Variants in ZFPM2 observed in about 807,000 individuals in gnomAD.
ZFPM2 encodes the protein zinc finger protein, FOG family member 2.
A neutral mutation model predicts 98.6 loss-of-function variants in ZFPM2; 20 were observed. The ratio of observed to expected loss-of-function variants is 0.20; its 90% CI spans 0.14 to 0.29. The LOEUF (loss-of-function observed/expected upper bound fraction) is 0.29. Among genes scored for constraint, ZFPM2 ranks in the 10% least tolerant of loss-of-function variants. ZFPM2 has a pLI of 1.00. For missense variants in ZFPM2, 1,310 were observed against 1,388.6 expected, an observed-to-expected ratio of 0.94 and a Z score of 0.90; for synonymous variants, 518 against 502.7, an observed-to-expected ratio of 1.03 and a Z score of -0.41.
chr8:105,413,898 G>A (rs947269439), intron 1 of ZFPM2, among the ~76,000 whole-genome samples: 4 of 151,928 alleles, frequency 2.6e-5, no homozygotes, highest in Non-Finnish European at 5.9e-5. Flanking sequence ...AAAAGGTTTG[G>A]AAATATTTGT....
At chr8:105,348,533 C>T (rs1324424538) in intron 1 of ZFPM2, among the ~76,000 whole-genome samples, 1 of 152,078 alleles carries the variant, frequency 6.6e-6, no homozygotes, top group Non-Finnish European at 1.5e-5. Flanking sequence ...TATTGTCTTA[C>T]TTATAAGAAA....
intron 5 of ZFPM2, among the ~76,000 whole-genome samples, chr8:105,692,469 T>C (rs546621742): frequency 6.6e-6 from 1 of 152,332 alleles, no homozygotes; most frequent in South Asian, 2.1e-4. Context: ...AGTTGCATTA[T>C]TATTATTTTA....
chr8:105,775,600 C>T (rs1299478069), intron 5 of ZFPM2, among the ~76,000 whole-genome samples: 1 of 152,092 alleles, frequency 6.6e-6, no homozygotes, highest in Non-Finnish European at 1.5e-5. Context: ...CTTTTGTTTA[C>T]AAGCAGAGTC....
chr8:105,753,376 G>A (rs1231174352), intron 5 of ZFPM2, among the ~76,000 whole-genome samples: 4 of 152,056 alleles, frequency 2.6e-5, no homozygotes, highest in Non-Finnish European at 5.9e-5. Flanking sequence ...GCCTCAGGCA[G>A]TTCACACACC....
chr8:105,516,458 T>C (rs1167816921), intron 3 of ZFPM2, among the ~76,000 whole-genome samples: 1 of 152,230 alleles, frequency 6.6e-6, no homozygotes, highest in Non-Finnish European at 1.5e-5. Context: ...TTGAAAATTA[T>C]GTTCTTATCT....
chr8:105,579,747 A>C (rs572652406), intron 4 of ZFPM2, among the ~76,000 whole-genome samples: 2 of 152,314 alleles, frequency 1.3e-5, no homozygotes, highest in East Asian at 3.9e-4. Flanking sequence ...TTAGTGTGTG[A>C]AGGAACAAAA....
At chr8:105,446,110 C>T (rs1302742683) in intron 3 of ZFPM2, among the ~76,000 whole-genome samples, 2 of 151,902 alleles carry the variant, frequency 1.3e-5, no homozygotes, top group African/African-American at 2.4e-5. Context: ...TTAGTAGAGA[C>T]GGGGTTTCAC....
At chr8:105,761,650 G>A (rs1314062077) in intron 5 of ZFPM2, among the ~76,000 whole-genome samples, 3 of 151,696 alleles carry the variant, frequency 2.0e-5, no homozygotes, top group East Asian at 1.9e-4. Flanking sequence ...ATGATTTGAC[G>A]CACGGGCTTG....
chr8:105,381,953 T>C (rs1460805436), intron 1 of ZFPM2, among the ~76,000 whole-genome samples: 1 of 152,182 alleles, frequency 6.6e-6, no homozygotes, highest in African/African-American at 2.4e-5. Context: ...TTCTGTTAAG[T>C]GGTTTGCCAT....
chr8:105,493,698 C>T (rs750430556), intron 3 of ZFPM2, among the ~76,000 whole-genome samples: 4 of 152,088 alleles, frequency 2.6e-5, no homozygotes, highest in Non-Finnish European at 5.9e-5. Flanking sequence ...AATATGTCTC[C>T]CATAGATAGA....
At chr8:105,681,370 G>A (rs114733737) in intron 5 of ZFPM2, among the ~76,000 whole-genome samples, 1,840 of 152,098 alleles carry the variant, frequency 0.012, 32 homozygotes, top group African/African-American at 0.041. Flanking sequence ...TAGTTACAAA[G>A]CATACCATTT....
At chr8:105,369,745 C>T (rs1273853838) in intron 1 of ZFPM2, among the ~76,000 whole-genome samples, 1 of 151,896 alleles carries the variant, frequency 6.6e-6, no homozygotes, top group Non-Finnish European at 1.5e-5. Flanking sequence ...TCCAGTAGGC[C>T]AAGAGTTTTT....
chr8:105,751,946 G>C (rs554746593), intron 5 of ZFPM2, among the ~76,000 whole-genome samples: 1 of 152,222 alleles, frequency 6.6e-6, no homozygotes, highest in East Asian at 1.9e-4. Context: ...ACTAGCATTA[G>C]TCGAATCCAT....
intron 4 of ZFPM2, among the ~76,000 whole-genome samples, chr8:105,598,066 C>CT (rs76865028): frequency 0.019 from 2,450 of 130,108 alleles, 82 homozygotes; most frequent in East Asian, 0.17. Flanking sequence ...AAAAAAAAAC[C>CT]TTTTTTTTTT....
intron 5 of ZFPM2, among the ~76,000 whole-genome samples, chr8:105,773,277 A>G (rs1477905217): frequency 6.6e-6 from 1 of 152,196 alleles, no homozygotes; most frequent in Non-Finnish European, 1.5e-5. Context: ...TAGCCCTTAT[A>G]TCACATGACA....
intron 4 of ZFPM2, among the ~76,000 whole-genome samples, chr8:105,610,009 T>C (rs942157882): frequency 1.3e-5 from 2 of 152,146 alleles, no homozygotes; most frequent in Admixed American, 6.6e-5. Context: ...AGCCCTCTTG[T>C]CCTCAGATAG....
chr8:105,666,258 T>A (rs1424763459), intron 5 of ZFPM2, among the ~76,000 whole-genome samples: 1 of 152,012 alleles, frequency 6.6e-6, no homozygotes, highest in African/African-American at 2.4e-5. Context: ...AAGAAAGAAA[T>A]TAATAAAACA....
At chr8:105,790,660 A>C (rs1813581727) in intron 6 of ZFPM2, among the ~76,000 whole-genome samples, 1 of 152,178 alleles carries the variant, frequency 6.6e-6, no homozygotes, top group Non-Finnish European at 1.5e-5. Context: ...TGGGGATGGC[A>C]TTGAATCTAT....
intron 3 of ZFPM2, among the ~76,000 whole-genome samples, chr8:105,486,830 C>T (rs549215212): frequency 1.2e-3 from 190 of 152,262 alleles, no homozygotes; most frequent in Non-Finnish European, 2.2e-3. Flanking sequence ...TTTGATTATA[C>T]TTTTTTCCTC....
Sources: gnomAD v4.1 joint callset for allele counts (sites outside exome capture counted in the v4.1 genomes callset) on GRCh38, gnomAD v4.1.1 for gene constraint, MANE v1.5 for transcripts, NCBI Gene and HGNC (gene_info 2026-07-23, HGNC 2026-07-21) for gene names.